NRXN3: variants seen among roughly 807,000 people sequenced by gnomAD.
NRXN3 encodes the protein neurexin III.
NRXN3 carries 32 observed loss-of-function variants against 137.6 expected under a neutral mutation model. That is an observed-to-expected ratio of 0.23 (90% CI 0.18 to 0.31). NRXN3 has a LOEUF of 0.31. NRXN3 is among the 10% of genes least tolerant of loss of function. NRXN3 has a pLI of 1.00. For missense variants in NRXN3, 1,574 were observed against 2,062.5 expected (o/e 0.76, Z 4.59); for synonymous variants, 798 against 784.5 (o/e 1.02, Z -0.29).
intron 8 of NRXN3, among the ~76,000 whole-genome samples, chr14:78,770,620 A>G (rs2098724009): frequency 6.6e-6 from 1 of 152,220 alleles, no homozygotes; most frequent in Non-Finnish European, 1.5e-5. Flanking sequence ...TATTTTTGAA[A>G]TAAGATAATA....
intron 15 of NRXN3, among the ~76,000 whole-genome samples, chr14:79,078,137 G>A (rs997842): frequency 0.5 from 76,511 of 151,932 alleles, 22,479 homozygotes; most frequent in East Asian, 0.78. Context: ...AAGATGCCTA[G>A]GATTTCTACT....
At chr14:79,395,086 A>T (rs532745399) in intron 15 of NRXN3, among the ~76,000 whole-genome samples, 56 of 152,348 alleles carry the variant, frequency 3.7e-4, no homozygotes, top group African/African-American at 1.3e-3. Flanking sequence ...AAAGGGAGCC[A>T]GTTAACAACA....
chr14:79,733,111 G>A (rs7148497), intron 19 of NRXN3, among the ~76,000 whole-genome samples: 48,217 of 151,804 alleles, frequency 0.32, 8,255 homozygotes, highest in Middle Eastern at 0.43. Flanking sequence ...GTCTCTTCCG[G>A]CAACAGCAGC....
At chr14:78,189,671 C>T (rs758213034) in intron 1 of NRXN3, among the ~76,000 whole-genome samples, 5 of 152,158 alleles carry the variant, frequency 3.3e-5, no homozygotes, top group Non-Finnish European at 5.9e-5. Flanking sequence ...ACTGCAACCT[C>T]CACTTCCGGG....
At chr14:79,265,546 A>G (rs957102527) in intron 15 of NRXN3, among the ~76,000 whole-genome samples, 1 of 152,152 alleles carries the variant, frequency 6.6e-6, no homozygotes, top group Non-Finnish European at 1.5e-5. Context: ...TGTATAGTCC[A>G]TTCAGCAATG....
chr14:79,536,011 C>G (rs895832051), intron 16 of NRXN3, among the ~76,000 whole-genome samples: 1 of 152,210 alleles, frequency 6.6e-6, no homozygotes, highest in Admixed American at 6.5e-5. Flanking sequence ...TATGGTGACC[C>G]TTGTGCTCTC....
chr14:79,163,597 G>A (rs764846907), intron 15 of NRXN3, among the ~76,000 whole-genome samples: 2 of 151,792 alleles, frequency 1.3e-5, no homozygotes, highest in Non-Finnish European at 2.9e-5. Flanking sequence ...GATATACTCT[G>A]TTTACCCCCA....
chr14:78,456,923 C>T (rs945027274), intron 4 of NRXN3, among the ~76,000 whole-genome samples: 1 of 147,976 alleles, frequency 6.8e-6, no homozygotes, highest in Non-Finnish European at 1.5e-5. Flanking sequence ...CTTCCTTCCT[C>T]TCTCCCTCCC....
At chr14:78,324,247 T>TG (rs1472336226) in intron 4 of NRXN3, among the ~76,000 whole-genome samples, 2 of 152,024 alleles carry the variant, frequency 1.3e-5, no homozygotes, top group Non-Finnish European at 2.9e-5. Context: ...AGAATGGACA[T>TG]GGAAGGACTG....
At chr14:78,938,935 C>T (rs1261954638) in intron 10 of NRXN3, among the ~76,000 whole-genome samples, 1 of 150,834 alleles carries the variant, frequency 6.6e-6, no homozygotes, top group Non-Finnish European at 1.5e-5. Flanking sequence ...GGCTCCGCCC[C>T]CTGGGGTTCA....
intron 4 of NRXN3, among the ~76,000 whole-genome samples, chr14:78,638,963 AG>A (rs1413562732): frequency 6.6e-6 from 1 of 152,118 alleles, no homozygotes; most frequent in African/African-American, 2.4e-5. Flanking sequence ...GTCATTACTG[AG>A]GCTTCTTTGC....
chr14:79,346,846 C>T (rs1471479318), intron 15 of NRXN3, among the ~76,000 whole-genome samples: 1 of 152,100 alleles, frequency 6.6e-6, no homozygotes, highest in Non-Finnish European at 1.5e-5. Flanking sequence ...CTATGTCTTC[C>T]CCAACTTCAA....
intron 1 of NRXN3, among the ~76,000 whole-genome samples, chr14:78,219,177 C>G (rs1415810138): frequency 6.6e-6 from 1 of 152,098 alleles, no homozygotes; most frequent in Admixed American, 6.6e-5. Flanking sequence ...GCAGTTCAGC[C>G]CCCAACAATT....
At chr14:79,442,525 T>C (rs1226666305) in intron 15 of NRXN3, among the ~76,000 whole-genome samples, 3 of 152,180 alleles carry the variant, frequency 2.0e-5, no homozygotes, top group Admixed American at 2.0e-4. Context: ...ACCTTGATTA[T>C]TCAGAGAAAA....
At chr14:79,693,284 T>C (rs755875338) in intron 18 of NRXN3, among the ~76,000 whole-genome samples, 1 of 151,996 alleles carries the variant, frequency 6.6e-6, no homozygotes, top group Non-Finnish European at 1.5e-5. Context: ...AGTAACCAGG[T>C]ATATTACTTA....
chr14:79,834,452 A>T (rs564770579), intron 20 of NRXN3, among the ~76,000 whole-genome samples: 6 of 152,156 alleles, frequency 3.9e-5, no homozygotes, highest in Non-Finnish European at 7.4e-5. Flanking sequence ...TCTCACACCA[A>T]CCATTTAACT....
chr14:78,195,352 ATGTT>A (rs2061132839), intron 1 of NRXN3, among the ~76,000 whole-genome samples: 1 of 152,024 alleles, frequency 6.6e-6, no homozygotes, highest in African/African-American at 2.4e-5. Flanking sequence ...CATTCATTCA[ATGTT>A]TGTTGAGTGC....
At chr14:78,962,485 G>A (rs2152984494) in intron 11 of NRXN3, among the ~76,000 whole-genome samples, 1 of 152,206 alleles carries the variant, frequency 6.6e-6, no homozygotes, top group African/African-American at 2.4e-5. Flanking sequence ...GGTTCAGTTT[G>A]CAGACAGCAT....
chr14:79,039,748 G>A (rs1302557799), intron 15 of NRXN3, among the ~76,000 whole-genome samples: 1 of 151,918 alleles, frequency 6.6e-6, no homozygotes, highest in Admixed American at 6.6e-5. Context: ...GTGCGGTGGT[G>A]CAGTCATACT....
Sources: gnomAD v4.1 joint callset for allele counts (sites outside exome capture counted in the v4.1 genomes callset) on GRCh38, gnomAD v4.1.1 for gene constraint, MANE v1.5 for transcripts, NCBI Gene and HGNC (gene_info 2026-07-23, HGNC 2026-07-21) for gene names.